The following SEMA4B variants were observed in gnomAD, a reference collection of about 807,000 sequenced individuals.
SEMA4B encodes semaphorin 4B, also known as semaphorin-4B.
In SEMA4B, 55 loss-of-function variants were observed where a neutral mutation model predicts 88.1. The ratio of observed to expected loss-of-function variants is 0.62; its 90% CI spans 0.50 to 0.78. The LOEUF (loss-of-function observed/expected upper bound fraction) is 0.78. SEMA4B is among the 30% of genes least tolerant of loss of function. The pLI, the probability that SEMA4B is intolerant of heterozygous loss-of-function variation, is 0.00. For synonymous variants in SEMA4B, 525 were observed against 473.6 expected (o/e 1.11, Z -1.41); for missense variants, 1,062 against 1,111.9 (o/e 0.96, Z 0.64).
intron 1 of SEMA4B, among the ~76,000 whole-genome samples, chr15:90,215,761 G>A (rs1221965686): frequency 3.3e-5 from 5 of 152,052 alleles, no homozygotes; most frequent in African/African-American, 4.8e-5. Context: ...GCGGTGAGCC[G>A]AGATCATGCC....
intron 3 of SEMA4B, among the ~76,000 whole-genome samples, chr15:90,218,367 G>A: frequency 6.6e-6 from 1 of 152,220 alleles, no homozygotes; most frequent in Non-Finnish European, 1.5e-5. Flanking sequence ...GGTAAGGTGA[G>A]GGCAAACGAG....
chr15:90,195,927 T>TTTTTTTTTTC (rs61316346), intron 1 of SEMA4B, among the ~76,000 whole-genome samples: 2,887 of 99,746 alleles, frequency 0.029, 149 homozygotes, highest in African/African-American at 0.15. Context: ...TACTTCTCTT[T>TTTTTTTTTTC]TTTTTTTTTT....
At chr15:90,191,013 T>C (rs1596115117) in intron 1 of SEMA4B, among the ~76,000 whole-genome samples, 1 of 152,004 alleles carries the variant, frequency 6.6e-6, no homozygotes, top group South Asian at 2.1e-4. Flanking sequence ...GACAGGCGAG[T>C]GGGTGCAAAA....
intron 1 of SEMA4B, among the ~76,000 whole-genome samples, chr15:90,188,162 T>C (rs1960221100): frequency 6.6e-6 from 1 of 151,082 alleles, no homozygotes; most frequent in Non-Finnish European, 1.5e-5. Flanking sequence ...CTACAAAAAA[T>C]ACAAAAATTA....
intron 1 of SEMA4B, among the ~76,000 whole-genome samples, chr15:90,205,201 T>G (rs1177307542): frequency 6.6e-6 from 1 of 152,236 alleles, no homozygotes; most frequent in African/African-American, 2.4e-5. Flanking sequence ...AAAACGCCAT[T>G]GAGCAGAGAG....
chr15:90,198,462 CA>C (rs199581694), upstream of SEMA4B, among the ~76,000 whole-genome samples: 31 of 152,088 alleles, frequency 2.0e-4, no homozygotes, highest in East Asian at 5.4e-3. Context: ...GGATGTCAGA[CA>C]ATAAAGAAAA....
At position 90,225,382 on chromosome 15, in the gene SEMA4B, C is replaced by T. The variant is rs148540973; in HGVS notation, c.1506C>T (p.Leu502=). 4.7e-4 allele frequency: 732 copies of T among 1,551,412 alleles called. 6 individuals carry two copies. In the African/African-American group the frequency reaches 8.8e-3, roughly 19 times the overall value. Residue 502 remains leucine, a synonymous_variant, in exon 11 of 14, where the codon CTC becomes CTT. Transcript: ENST00000411539. Reference sequence around the variant, plus strand: ...CGGGACAGCCCGTGCAGAATCTGCTCCTGGACACCCACAGGGTGAGCAGGC... The same window carrying T: ...CGGGACAGCCCGTGCAGAATCTGCTTCTGGACACCCACAGGGTGAGCAGGC... ...FSSGQPVQNL[L]LDTHRGLLYA...
At chr15:90,213,073 G>A (rs1266478309) in intron 1 of SEMA4B, among the ~76,000 whole-genome samples, 1 of 152,166 alleles carries the variant, frequency 6.6e-6, no homozygotes, top group Non-Finnish European at 1.5e-5. Flanking sequence ...CATGTGCAAC[G>A]TTGTTTTAGC....
chr15:90,197,412 G>A (rs34418767), upstream of SEMA4B, among the ~76,000 whole-genome samples: 3 of 151,554 alleles, frequency 2.0e-5, no homozygotes, highest in Middle Eastern at 3.4e-3. Flanking sequence ...AAAAGTAAAC[G>A]AAGATTTAGG....
Position 90,228,188 on chromosome 15 carries a change from G to A in SEMA4B, c.2059G>A (p.Gly687Ser), listed in dbSNP as rs948019392. The A allele has an allele frequency of 1.2e-6, 2 of 1,610,356 alleles. No individual in the cohort carries two copies. The highest frequency in any genetic ancestry group is 1.3e-5 in the African/African-American group (1 of 74,868). ...GGTGGCAGACCAAACAGATGAGGGT[G>A]GCAGTGTACCCGTCATTATCAGCAC... ...DGVADQTDEG[G>S]SVPVIISTSR... The change falls in exon 14 of 14, where the codon GGC becomes AGC. Residue 687 changes from glycine (G) to serine (S), a missense_variant. By Grantham distance (56) the Gly-to-Ser change is moderately conservative. Transcript: ENST00000411539.
rs1961295169 is a variant in SEMA4B, at chr15:90,212,046, C to A, written c.158-5393C>A. ...GGTGCTGAGCCCTATTCCTGTCTCA[C>A]CCCAGAGAGCTCCAGGCTTCCGGCT... On this transcript the variant is annotated intron_variant, in intron 1 of 13. Coordinates refer to ENST00000411539, the MANE Select transcript of SEMA4B (RefSeq NM_198925.4). The surrounding 1 kb of genome is among the most constrained non-coding windows in gnomAD (Gnocchi z 4.0). Among the ~76,000 whole-genome samples, 1 of 152,104 alleles carries A rather than the reference C, an allele frequency of 6.6e-6. No individual in the cohort carries two copies. Among genetic ancestry groups the A allele is most frequent in the African/African-American group, 2.4e-5 (1 of 41,410 alleles).
At chr15:90,199,608 C>T (rs535634227), upstream of SEMA4B, among the ~76,000 whole-genome samples, 5 of 151,992 alleles carry the variant, frequency 3.3e-5, no homozygotes, top group Non-Finnish European at 5.9e-5. Context: ...AGGTGGATCA[C>T]GAGGTCAGGA....
At chr15:90,190,852 T>G (rs1960323332) in intron 1 of SEMA4B, among the ~76,000 whole-genome samples, 1 of 152,138 alleles carries the variant, frequency 6.6e-6, no homozygotes. Flanking sequence ...CGTGACTCAT[T>G]GCAGCCTCTA....
At chr15:90,210,499 G>T (rs1961212674) in intron 1 of SEMA4B, among the ~76,000 whole-genome samples, 1 of 152,188 alleles carries the variant, frequency 6.6e-6, no homozygotes. Context: ...CAACACAGAT[G>T]CTGCAGCCAG....
chr15:90,225,948 AATT>A, intron 12 of SEMA4B, 121 bp downstream of exon 12: 1 of 711,254 alleles, frequency 1.4e-6, no homozygotes, highest in Non-Finnish European at 2.1e-6. Flanking sequence ...GTCTCAGCAT[AATT>A]ATTAATTAGC....
At chr15:90,188,770 C>T (rs958817243) in intron 1 of SEMA4B, among the ~76,000 whole-genome samples, 4 of 152,066 alleles carry the variant, frequency 2.6e-5, no homozygotes, top group African/African-American at 9.7e-5. Flanking sequence ...CGGATTCATG[C>T]CATTCTTCTG....
At chr15:90,221,548 T>C in intron 6 of SEMA4B, 66 bp from the exon 7 acceptor site, 2 of 1,607,468 alleles carry the variant, frequency 1.2e-6, no homozygotes, top group Non-Finnish European at 1.7e-6. Flanking sequence ...GGGGGCACTT[T>C]CCCCCAGCTT....
Position 90,201,461 on chromosome 15 carries a change from C to G in SEMA4B, c.-118C>G. 2 of 1,305,488 alleles carry G rather than the reference C, an allele frequency of 1.5e-6. No individual in the cohort carries two copies. The allele number at this position is 1,305,488 out of a possible 1,614,324, so 80.9% of individuals were successfully genotyped here. On this transcript the variant is annotated 5_prime_UTR_variant, in exon 1 of 14. Transcript: ENST00000411539. ...TTTCCCACCTCCCGCCCCCCAGGTC[C>G]GGAGGCGGGGGCCCCCGGGGCGACT...
intron 4 of SEMA4B, chr15:90,220,367 C>CTTTTT (rs1320090623): frequency 6.9e-4 from 87 of 125,236 alleles, no homozygotes; most frequent in Admixed American, 7.4e-4. Flanking sequence ...TTTTTCTTTT[C>CTTTTT]TTTTTTTTTT....
Sources: allele counts gnomAD v4.1 joint callset (sites outside exome capture counted in the v4.1 genomes callset), GRCh38; gene constraint gnomAD v4.1.1; non-coding constraint Gnocchi (gnomAD v3.1); transcripts MANE v1.5; gene names NCBI Gene and HGNC (gene_info 2026-07-23, HGNC 2026-07-21).